Variants in CDH18 observed in about 807,000 individuals in gnomAD.
CDH18 encodes the protein cadherin-18.
A neutral mutation model predicts 67.9 loss-of-function variants in CDH18; 31 were observed. The ratio of observed to expected loss-of-function variants is 0.46; its 90% CI spans 0.34 to 0.62. CDH18 has a LOEUF of 0.62. Among genes scored for constraint, CDH18 ranks in the 20% least tolerant of loss-of-function variants. The probability of loss-of-function intolerance (pLI) is 0.01; values close to 1 mark genes in which losing one functional copy is unlikely to be tolerated. For missense variants in CDH18, 890 were observed against 975.5 expected (o/e 0.91, Z 1.17); for synonymous variants, 362 against 347.2 (o/e 1.04, Z -0.48).
At chr5:19,843,298 T>C (rs559524053) in intron 2 of CDH18, among the ~76,000 whole-genome samples, 1 of 152,248 alleles carries the variant, frequency 6.6e-6, no homozygotes, top group South Asian at 2.1e-4. Context: ...GTCTCAGCCA[T>C]GGGTAAAAGA....
intron 1 of CDH18, among the ~76,000 whole-genome samples, chr5:20,449,203 T>C (rs1207745316): frequency 6.6e-6 from 1 of 152,134 alleles, no homozygotes; most frequent in Non-Finnish European, 1.5e-5. Context: ...CTTCCCATAA[T>C]AAAAATCTAA....
In CDH18 at chr5:19,667,556, A is replaced by G. The variant is rs1308968285; in HGVS notation, c.643+53791T>C. Among the ~76,000 whole-genome samples the G allele has an allele frequency of 9.3e-5, 14 of 150,526 alleles. No individual in the cohort carries two copies. The Admixed American group carries it at 9.3e-4, about 10-fold the overall frequency. On this transcript the variant is annotated intron_variant, in intron 5 of 12. Transcript: ENST00000382275. Reference sequence around the variant, plus strand: ...TACACACACATAAACTGATTTGCTAATCATGAGCTACAAAACCACAGGAGT... The same window carrying G: ...TACACACACATAAACTGATTTGCTAGTCATGAGCTACAAAACCACAGGAGT...
At chr5:20,516,177 T>G (rs963657717) in intron 1 of CDH18, among the ~76,000 whole-genome samples, 13 of 152,020 alleles carry the variant, frequency 8.6e-5, no homozygotes, top group African/African-American at 3.1e-4. Context: ...ATTTGGATTT[T>G]TTTTCCTTTT....
intron 1 of CDH18, among the ~76,000 whole-genome samples, chr5:20,397,847 G>A (rs916865327): frequency 2.6e-5 from 4 of 152,122 alleles, no homozygotes; most frequent in South Asian, 2.1e-4. Flanking sequence ...CACATTTTAC[G>A]TTGATAGCAC....
At chr5:19,682,000 A>G (rs1760409077) in intron 5 of CDH18, among the ~76,000 whole-genome samples, 1 of 152,062 alleles carries the variant, frequency 6.6e-6, no homozygotes, top group Non-Finnish European at 1.5e-5. Context: ...GTTTCTGAGT[A>G]GTTCTTTAAG....
intron 3 of CDH18, among the ~76,000 whole-genome samples, chr5:19,786,472 A>G (rs1236401678): frequency 6.6e-6 from 1 of 152,154 alleles, no homozygotes; most frequent in African/African-American, 2.4e-5. Context: ...TAATTTATTA[A>G]TGAGCTTTAA....
At chr5:20,006,000 T>C (rs1408347780) in intron 2 of CDH18, among the ~76,000 whole-genome samples, 1 of 151,956 alleles carries the variant, frequency 6.6e-6, no homozygotes, top group Non-Finnish European at 1.5e-5. Context: ...AATTTCCTTT[T>C]GATAAAGTCA....
At chr5:19,614,447 A>T (rs1049847019) in intron 5 of CDH18, among the ~76,000 whole-genome samples, 4 of 151,878 alleles carry the variant, frequency 2.6e-5, no homozygotes, top group South Asian at 2.1e-4. Flanking sequence ...CACCCTTATT[A>T]AAAAAACAAT....
At chr5:19,845,563 T>C (rs1425805643) in intron 2 of CDH18, among the ~76,000 whole-genome samples, 1 of 152,070 alleles carries the variant, frequency 6.6e-6, no homozygotes, top group Admixed American at 6.6e-5. Context: ...TCTGTTTCTT[T>C]ATTGATTTTC....
intron 2 of CDH18, among the ~76,000 whole-genome samples, chr5:20,239,765 A>C (rs1053128041): frequency 1.2e-4 from 18 of 152,278 alleles, no homozygotes; most frequent in Admixed American, 3.3e-4. Context: ...ACAATCTTTC[A>C]AAATGTATCT....
chr5:20,121,544 G>C (rs1263195319), intron 2 of CDH18, among the ~76,000 whole-genome samples: 1 of 152,134 alleles, frequency 6.6e-6, no homozygotes, highest in Admixed American at 6.5e-5. Context: ...AGATGAAAAT[G>C]GGGCAGCAAA....
At chr5:20,420,550 T>C (rs988601637) in intron 1 of CDH18, among the ~76,000 whole-genome samples, 9 of 151,194 alleles carry the variant, frequency 6.0e-5, no homozygotes, top group Non-Finnish European at 8.8e-5. Flanking sequence ...ACTTGTGAAA[T>C]AAAATGACTC....
chr5:20,278,982 G>A (rs10941685), intron 1 of CDH18, among the ~76,000 whole-genome samples: 51,874 of 151,784 alleles, frequency 0.34, 9,056 homozygotes, highest in South Asian at 0.39. Flanking sequence ...AGCCAAGAAA[G>A]GAGGAAAAAA....
chr5:20,341,464 T>A (rs1740256687), intron 1 of CDH18, among the ~76,000 whole-genome samples: 1 of 151,966 alleles, frequency 6.6e-6, no homozygotes. Flanking sequence ...TTTGGGACCT[T>A]GTGATGATGT....
chr5:19,747,327 G>A (rs151188742), intron 3 of CDH18, 91 bp from the exon 4 acceptor site: 1 of 1,090,898 alleles, frequency 9.2e-7, no homozygotes, highest in Non-Finnish European at 1.3e-6. Flanking sequence ...AATTACTTTG[G>A]CTATGACTTT....
At chr5:20,394,632 A>T (rs1745134408) in intron 1 of CDH18, among the ~76,000 whole-genome samples, 1 of 152,182 alleles carries the variant, frequency 6.6e-6, no homozygotes, top group Non-Finnish European at 1.5e-5. Context: ...AATAGTCATC[A>T]GAGTGAACAT....
At chr5:20,344,007 A>G (rs1009491883) in intron 1 of CDH18, among the ~76,000 whole-genome samples, 4 of 152,172 alleles carry the variant, frequency 2.6e-5, no homozygotes, top group African/African-American at 9.7e-5. Flanking sequence ...TCTGATCTGG[A>G]AGGGCTCCAT....
At chr5:20,389,718 C>T (rs201171636) in intron 1 of CDH18, among the ~76,000 whole-genome samples, 25 of 152,112 alleles carry the variant, frequency 1.6e-4, no homozygotes, top group Non-Finnish European at 2.6e-4. Flanking sequence ...GGAGGCATCA[C>T]GCTACCTGAC....
At chr5:20,449,953 A>G (rs1750301981) in intron 1 of CDH18, among the ~76,000 whole-genome samples, 1 of 151,406 alleles carries the variant, frequency 6.6e-6, no homozygotes, top group Non-Finnish European at 1.5e-5. Context: ...ATATTTCCAG[A>G]AACAATTTTG....
Sources: gnomAD v4.1 joint callset for allele counts (sites outside exome capture counted in the v4.1 genomes callset) on GRCh38, gnomAD v4.1.1 for gene constraint, MANE v1.5 for transcripts, NCBI Gene and HGNC (gene_info 2026-07-23, HGNC 2026-07-21) for gene names.